The following SSBP3 variants were observed in gnomAD, a reference collection of about 807,000 sequenced individuals.
SSBP3 encodes single stranded DNA binding protein 3, also known as single-stranded DNA-binding protein 3.
In SSBP3, 5 loss-of-function variants were observed where a neutral mutation model predicts 69.6. The ratio of observed to expected loss-of-function variants is 0.07; its 90% confidence interval spans 0.04 to 0.15. SSBP3 has a LOEUF of 0.15. Among genes scored for constraint, SSBP3 ranks in the 10% least tolerant of loss-of-function variants. The probability of loss-of-function intolerance (pLI) is 1.00; values close to 1 mark genes in which losing one functional copy is unlikely to be tolerated. For synonymous variants in SSBP3, 196 were observed against 193.4 expected, an observed-to-expected ratio of 1.01 and a Z score of -0.11; for missense variants, 312 against 534.0, an observed-to-expected ratio of 0.58 and a Z score of 4.10.
chr1:54,358,722 G>T (rs1339710564), intron 4 of SSBP3, among the ~76,000 whole-genome samples: 1 of 152,218 alleles, frequency 6.6e-6, no homozygotes, highest in Admixed American at 6.5e-5. Flanking sequence ...AGAGAGGATT[G>T]CAAGTGGGGA....
At chr1:54,271,417 G>A (rs1377959613) in intron 5 of SSBP3, among the ~76,000 whole-genome samples, 1 of 152,146 alleles carries the variant, frequency 6.6e-6, no homozygotes, top group African/African-American at 2.4e-5. Context: ...CCTGAATATA[G>A]GTTTATATGT....
At chr1:54,333,218 C>T (rs957823030) in intron 4 of SSBP3, among the ~76,000 whole-genome samples, 1 of 152,148 alleles carries the variant, frequency 6.6e-6, no homozygotes, top group Non-Finnish European at 1.5e-5. Context: ...CCACAGAATA[C>T]GGAAAGGATT....
At chr1:54,305,783 C>G (rs1026219883) in intron 4 of SSBP3, among the ~76,000 whole-genome samples, 1 of 150,804 alleles carries the variant, frequency 6.6e-6, no homozygotes, top group African/African-American at 2.5e-5. Flanking sequence ...ATAAAAGACA[C>G]GCCATAGGTG....
At chr1:54,242,491 C>T (rs1490926873) in intron 10 of SSBP3, among the ~76,000 whole-genome samples, 1 of 152,168 alleles carries the variant, frequency 6.6e-6, no homozygotes, top group Non-Finnish European at 1.5e-5. Flanking sequence ...GGAAGGGAGT[C>T]CACATTCTCA....
intron 4 of SSBP3, 94 bp from the exon 5 acceptor site, chr1:54,281,621 C>CGGGGAATGTGGACGG: frequency 8.5e-7 from 1 of 1,178,068 alleles, no homozygotes; most frequent in Non-Finnish European, 1.2e-6. Flanking sequence ...TGTCCGTCCA[C>CGGGGAATGTGGACGG]ATTCCCCGTG....
chr1:54,396,193 G>GGAAAAAAAAAAAAAAAA, intron 4 of SSBP3, among the ~76,000 whole-genome samples: 1 of 40,580 alleles, frequency 2.5e-5, no homozygotes, highest in East Asian at 1.7e-3. Context: ...CTCCATCTCA[G>GGAAAAAAAAAAAAAAAA]AAAAAAAAAA....
intron 5 of SSBP3, among the ~76,000 whole-genome samples, chr1:54,276,642 C>T (rs1412589972): frequency 1.5e-5 from 2 of 131,500 alleles, no homozygotes; most frequent in African/African-American, 6.2e-5. Flanking sequence ...AAGGTGTCAG[C>T]TACTTTCTGA....
chr1:54,282,530 G>A (rs559801182), intron 4 of SSBP3, among the ~76,000 whole-genome samples: 44 of 152,322 alleles, frequency 2.9e-4, no homozygotes, highest in South Asian at 6.2e-4. Context: ...ATGCCTCCCA[G>A]GGGTGAGCAG....
chr1:54,246,809 A>T, intron 9 of SSBP3, among the ~76,000 whole-genome samples: 1 of 152,256 alleles, frequency 6.6e-6, no homozygotes, highest in East Asian at 1.9e-4. Flanking sequence ...AGCGAGTAGC[A>T]GGCTGAAATC....
chr1:54,260,837 A>G (rs1645006139), intron 5 of SSBP3, among the ~76,000 whole-genome samples: 1 of 152,194 alleles, frequency 6.6e-6, no homozygotes, highest in South Asian at 2.1e-4. Flanking sequence ...AATGATGAGG[A>G]CCAGGAATCT....
intron 4 of SSBP3, among the ~76,000 whole-genome samples, chr1:54,289,545 G>C (rs749190880): frequency 8.5e-5 from 13 of 152,212 alleles, no homozygotes; most frequent in Admixed American, 1.3e-4. Context: ...GATGCAAGGA[G>C]TTGTGGTGAC....
intron 4 of SSBP3, among the ~76,000 whole-genome samples, chr1:54,345,202 C>G (rs536344755): frequency 2.8e-4 from 43 of 152,276 alleles, no homozygotes; most frequent in African/African-American, 1.0e-3. Context: ...AAGGGCTGAA[C>G]CCAGCCGTTA....
upstream of SSBP3, among the ~76,000 whole-genome samples, chr1:54,408,525 A>G (rs965872454): frequency 4.6e-5 from 7 of 152,086 alleles, no homozygotes; most frequent in East Asian, 1.9e-4. Flanking sequence ...GGTCCTGGCT[A>G]AAAAAAGGAA....
Position 54,239,072 on chromosome 1 carries a change from A to G in SSBP3, c.927+57T>C, listed in dbSNP as rs748751158. On this transcript the variant is annotated intron_variant, in intron 14 of 17. Transcript: ENST00000610401. The stretch of plus-strand genomic sequence containing the variant: ...AACTTGCTTTCCCCTCAGCTGATGA[A>G]GTTAATTATGATTTGTTATGGTGTC... 3 of 1,422,762 alleles carry G rather than the reference A, an allele frequency of 2.1e-6. No individual in the cohort carries two copies. The Admixed American group carries it at 5.2e-5, about 25-fold the overall frequency. The allele number at this position is 1,422,762 out of a possible 1,614,324, so 88.1% of individuals were successfully genotyped here.
At chr1:54,312,291 TAAA>T (rs566877875) in intron 4 of SSBP3, among the ~76,000 whole-genome samples, 1 of 139,412 alleles carries the variant, frequency 7.2e-6, no homozygotes. Context: ...ACTCTCTCTT[TAAA>T]AAAAAAAAAA....
At position 54,404,897 on chromosome 1, in the gene SSBP3, G is replaced by A. The variant is rs553245022; in HGVS notation, c.90C>T (p.His30=). The A allele has an allele frequency of 1.4e-5, 22 of 1,612,464 alleles. No individual in the cohort carries two copies. In the South Asian group the frequency reaches 1.4e-4, roughly 10 times the overall value. ...TCTGTGCAGATTTCTGTGCTCCTACGTGCAGTAAATATTCGTAGACGTATA... is the reference window on the plus strand; with the variant it reads ...TCTGTGCAGATTTCTGTGCTCCTACATGCAGTAAATATTCGTAGACGTATA... The change falls in exon 2 of 18, where the codon CAC becomes CAT. Residue 30 remains histidine, a synonymous_variant. Transcript: ENST00000610401.
At chr1:54,289,037 C>CAAAAAAAA (rs994712448) in intron 4 of SSBP3, among the ~76,000 whole-genome samples, 3 of 62,090 alleles carry the variant, frequency 4.8e-5, no homozygotes, top group South Asian at 4.4e-4. Context: ...AAAAAAAAAA[C>CAAAAAAAA]AAAAAAACAA....
chr1:54,351,707 T>A (rs1646783098), intron 4 of SSBP3, among the ~76,000 whole-genome samples: 1 of 152,190 alleles, frequency 6.6e-6, no homozygotes, highest in Non-Finnish European at 1.5e-5. Context: ...CTAGCAGGGA[T>A]GAACCTCTAG....
At chr1:54,298,759 T>C (rs1392166953) in intron 4 of SSBP3, among the ~76,000 whole-genome samples, 1 of 152,138 alleles carries the variant, frequency 6.6e-6, no homozygotes, top group Non-Finnish European at 1.5e-5. Context: ...TCTTCTCCGA[T>C]CCAGCTCCTG....
Sources: gnomAD v4.1 joint callset for allele counts (sites outside exome capture counted in the v4.1 genomes callset) on GRCh38, gnomAD v4.1.1 for gene constraint, MANE v1.5 for transcripts, NCBI Gene and HGNC (gene_info 2026-07-23, HGNC 2026-07-21) for gene names.